The following CADPS variants were observed in gnomAD, a reference collection of about 807,000 sequenced individuals.
CADPS encodes the protein calcium-dependent secretion activator 1.
CADPS carries 57 observed loss-of-function variants against 167.3 expected under a neutral mutation model. The observed-to-expected ratio is 0.34, with a 90% confidence interval of 0.28 to 0.42. The LOEUF (loss-of-function observed/expected upper bound fraction) is 0.42. Ranked by LOEUF, CADPS falls within the 20% of genes least tolerant of loss-of-function variation. The pLI is 1.00. For synonymous variants in CADPS, 676 were observed against 635.3 expected (o/e 1.06, Z -0.96); for missense variants, 1,414 against 1,738.1 (o/e 0.81, Z 3.32).
chr3:62,793,749 G>A (rs529456703), intron 1 of CADPS, among the ~76,000 whole-genome samples: 1 of 152,300 alleles, frequency 6.6e-6, no homozygotes, highest in East Asian at 1.9e-4. Context: ...TGGTATGAAT[G>A]TGTGTGTGCG....
intron 1 of CADPS, among the ~76,000 whole-genome samples, chr3:62,847,384 C>T (rs1577255136): frequency 1.8e-5 from 2 of 111,078 alleles, no homozygotes; most frequent in Non-Finnish European, 3.6e-5. Context: ...CCCACTAACT[C>T]GTCATCTAGC....
intron 6 of CADPS, among the ~76,000 whole-genome samples, chr3:62,617,035 T>C (rs1178951061): frequency 6.6e-6 from 1 of 152,218 alleles, no homozygotes; most frequent in Non-Finnish European, 1.5e-5. Flanking sequence ...TCAATAAACA[T>C]TAATTGATAA....
At chr3:62,562,693 A>G (rs1267679896) in intron 9 of CADPS, among the ~76,000 whole-genome samples, 1 of 152,162 alleles carries the variant, frequency 6.6e-6, no homozygotes, top group Non-Finnish European at 1.5e-5. Context: ...CCCACAACTG[A>G]ATCCTGGTCT....
chr3:62,620,416 G>A (rs528706764), intron 6 of CADPS, among the ~76,000 whole-genome samples: 1 of 152,098 alleles, frequency 6.6e-6, no homozygotes, highest in Non-Finnish European at 1.5e-5. Flanking sequence ...CTTGAGCAAG[G>A]TCACTCAACC....
At chr3:62,607,282 G>A (rs968045929) in intron 6 of CADPS, among the ~76,000 whole-genome samples, 7 of 152,270 alleles carry the variant, frequency 4.6e-5, no homozygotes, top group South Asian at 2.1e-4. Flanking sequence ...ATCTACCCAC[G>A]GTGTGAGAGC....
Position 62,870,229 on chromosome 3 carries a change from C to T in CADPS, c.441+4360G>A, listed in dbSNP as rs533069226. 1.7e-4 allele frequency among the ~76,000 whole-genome samples: 26 copies of T among 152,228 alleles called. No individual in the cohort carries two copies. In the South Asian group the frequency reaches 4.8e-3, roughly 28 times the overall value. Reference sequence around the variant, plus strand: ...CTGTTTAAAGAAAAATTGGTTTAATCGTCACTTTGTTCTCTCAAAAGGTAG... The same window carrying T: ...CTGTTTAAAGAAAAATTGGTTTAATTGTCACTTTGTTCTCTCAAAAGGTAG... On this transcript the variant is annotated intron_variant, in intron 1 of 29. Coordinates refer to ENST00000383710, the MANE Select transcript of CADPS (RefSeq NM_003716.4).
intron 1 of CADPS, among the ~76,000 whole-genome samples, chr3:62,862,367 C>T (rs1281001399): frequency 1.3e-5 from 2 of 151,912 alleles, no homozygotes; most frequent in East Asian, 1.9e-4. Context: ...CAGGCACGCA[C>T]CACCATGTCC....
chr3:62,460,304 G>A (rs985805587), intron 26 of CADPS, among the ~76,000 whole-genome samples: 1 of 152,140 alleles, frequency 6.6e-6, no homozygotes. Context: ...TTCTGTCCAA[G>A]GCAGACACCT....
intron 6 of CADPS, among the ~76,000 whole-genome samples, chr3:62,610,451 G>A (rs1297636220): frequency 1.3e-5 from 2 of 151,958 alleles, no homozygotes; most frequent in African/African-American, 4.8e-5. Context: ...GGGTTTCACC[G>A]GGTTGGCCAG....
chr3:62,731,076 G>A (rs144377659), intron 3 of CADPS, among the ~76,000 whole-genome samples: 31 of 152,336 alleles, frequency 2.0e-4, no homozygotes, highest in Middle Eastern at 3.4e-3. Context: ...TGTTGGAGAG[G>A]AGAGAGGTCT....
At chr3:62,462,990 G>T (rs1207835639) in intron 26 of CADPS, among the ~76,000 whole-genome samples, 1 of 152,164 alleles carries the variant, frequency 6.6e-6, no homozygotes, top group Non-Finnish European at 1.5e-5. Context: ...CCAAGTGTGT[G>T]GGAGAAGTGT....
Position 62,536,525 on chromosome 3 carries a change from T to C in CADPS, c.2023A>G (p.Asn675Asp), listed in dbSNP as rs751611355. 1 of 1,613,450 alleles carries C rather than the reference T, an allele frequency of 6.2e-7. No individual in the cohort carries two copies. The highest frequency in any genetic ancestry group is 1.7e-5 in the Admixed American group (1 of 59,990). ...MDEFISSNPCNFDHASLFEMV... is the reference protein window; with the variant it reads ...MDEFISSNPCDFDHASLFEMV... The stretch of plus-strand genomic sequence containing the variant: ...TCAAAGAGGGAAGCGTGGTCAAAGT[T>C]ACAGGGGTTGGAAGAGATAAATTCA... Residue 675 changes from asparagine to aspartate, a missense_variant, in exon 12 of 30, where the codon AAC (asparagine) becomes GAC (aspartate). By Grantham distance (23) the Asn-to-Asp change is conservative. This residue lies in a region of CADPS where 529 missense variants were observed against 629.6 expected (regional missense o/e 0.84). Transcript: ENST00000383710.
intron 26 of CADPS, among the ~76,000 whole-genome samples, chr3:62,453,065 C>T (rs2058271373): frequency 1.3e-5 from 2 of 152,032 alleles, no homozygotes; most frequent in Admixed American, 6.6e-5. Flanking sequence ...CCCAGGAGTT[C>T]GAAGCTGCGG....
In CADPS at chr3:62,514,923, C is replaced by T. The variant is rs775882950; in HGVS notation, c.2581+1136G>A. Reference sequence around the variant, plus strand: ...ACCAAGTCAAGAGTTGATAAACATCCTTTTGGTGCCCAATTCTTAAGTGTT... The same window carrying T: ...ACCAAGTCAAGAGTTGATAAACATCTTTTTGGTGCCCAATTCTTAAGTGTT... On this transcript the variant is annotated intron_variant, in intron 16 of 29. Transcript: ENST00000383710. The surrounding 1 kb of genome is among the most constrained non-coding windows in gnomAD (Gnocchi z 4.2). Among the ~76,000 whole-genome samples, 1 of 152,122 alleles carries T rather than the reference C, an allele frequency of 6.6e-6. No homozygotes were observed. Among genetic ancestry groups the T allele is most frequent in the Non-Finnish European group, 1.5e-5 (1 of 68,010 alleles).
intron 3 of CADPS, among the ~76,000 whole-genome samples, chr3:62,680,069 A>AG (rs1330082834): frequency 6.6e-6 from 1 of 152,046 alleles, no homozygotes; most frequent in Non-Finnish European, 1.5e-5. Flanking sequence ...TTACTTAGGA[A>AG]GGGAGCACCG....
intron 28 of CADPS, among the ~76,000 whole-genome samples, chr3:62,427,074 C>CA (rs58024853): frequency 0.23 from 23,844 of 102,376 alleles, 2,373 homozygotes; most frequent in Middle Eastern, 0.42. Context: ...GACTCCGTAT[C>CA]AAAAAAAAAA....
At chr3:62,706,243 T>C (rs982713931) in intron 3 of CADPS, among the ~76,000 whole-genome samples, 1 of 152,168 alleles carries the variant, frequency 6.6e-6, no homozygotes, top group African/African-American at 2.4e-5. Context: ...CATAGTAAAT[T>C]TTCTGCCACC....
intron 6 of CADPS, among the ~76,000 whole-genome samples, chr3:62,638,267 T>C (rs1325791049): frequency 1.3e-5 from 2 of 152,114 alleles, no homozygotes; most frequent in East Asian, 3.9e-4. Flanking sequence ...CTAAATCAAG[T>C]ATCTGTTATT....
intron 21 of CADPS, among the ~76,000 whole-genome samples, chr3:62,489,223 C>T (rs980435068): frequency 7.9e-5 from 12 of 151,994 alleles, no homozygotes; most frequent in South Asian, 6.2e-4. Context: ...TGCAGTGGAG[C>T]GATCTCGGCT....
Sources: allele counts gnomAD v4.1 joint callset (sites outside exome capture counted in the v4.1 genomes callset), GRCh38; gene constraint gnomAD v4.1.1; regional missense constraint gnomAD v4.1.1; non-coding constraint Gnocchi (gnomAD v3.1); transcripts MANE v1.5; gene names NCBI Gene and HGNC (gene_info 2026-07-23, HGNC 2026-07-21).